The following MYH15 variants were observed in gnomAD, a reference collection of about 807,000 sequenced individuals.
MYH15 encodes the protein myosin heavy chain 15.
In MYH15, 227 loss-of-function variants were observed where a neutral mutation model predicts 240.5. The ratio of observed to expected loss-of-function variants is 0.94; its 90% CI spans 0.85 to 1.05. The LOEUF (loss-of-function observed/expected upper bound fraction) is 1.05, where lower values mean the gene tolerates loss of function less well. MYH15 is among the 50% of genes least tolerant of loss of function. MYH15 has a pLI of 0.00. For synonymous variants in MYH15, 785 were observed against 796.7 expected (o/e 0.99, Z 0.25); for missense variants, 2,217 against 2,247.5 (o/e 0.99, Z 0.27).
At chr3:108,433,241 C>T (rs1348925840) in intron 25 of MYH15, among the ~76,000 whole-genome samples, 4 of 152,176 alleles carry the variant, frequency 2.6e-5, no homozygotes, top group Non-Finnish European at 4.4e-5. Context: ...TGGATAGGGC[C>T]TGTAGCCCCT....
intron 36 of MYH15, among the ~76,000 whole-genome samples, chr3:108,392,699 G>A (rs1179906237): frequency 6.6e-6 from 1 of 152,222 alleles, no homozygotes; most frequent in Non-Finnish European, 1.5e-5. Flanking sequence ...GAGCTAAACT[G>A]TGGGAGGCTT....
intron 25 of MYH15, among the ~76,000 whole-genome samples, chr3:108,432,053 T>C (rs1471475189): frequency 1.4e-5 from 2 of 141,524 alleles, no homozygotes; most frequent in Admixed American, 1.4e-4. Context: ...GTTAAATGCA[T>C]TCAGTTTTGT....
At chr3:108,537,349 T>A in the MYH15 span, among the ~76,000 whole-genome samples, 2 of 152,172 alleles carry the variant, frequency 1.3e-5, no homozygotes, top group Non-Finnish European at 2.9e-5. Context: ...ATTCTACCCC[T>A]CAGAAATCTT....
At chr3:108,399,323 T>C in intron 33 of MYH15, 56 bp from the exon 34 acceptor site, 1 of 1,379,378 alleles carries the variant, frequency 7.2e-7, no homozygotes. Flanking sequence ...TTAATCAAAT[T>C]CACCTGCTAT....
intron 28 of MYH15, among the ~76,000 whole-genome samples, chr3:108,419,590 T>C (rs182384598): frequency 1.3e-5 from 2 of 152,324 alleles, no homozygotes; most frequent in East Asian, 3.9e-4. Context: ...AAATCCTAAA[T>C]AGCACAGATC....
intron 7 of MYH15, among the ~76,000 whole-genome samples, chr3:108,495,245 T>C (rs1238880998): frequency 6.6e-6 from 1 of 152,240 alleles, no homozygotes; most frequent in Admixed American, 6.5e-5. Flanking sequence ...AAATTCTTCC[T>C]CTTTTATGGG....
intron 27 of MYH15, among the ~76,000 whole-genome samples, chr3:108,427,292 G>T (rs1302814393): frequency 6.6e-6 from 1 of 152,210 alleles, no homozygotes; most frequent in East Asian, 1.9e-4. Flanking sequence ...AATTCATGTT[G>T]AAAGAATGGC....
chr3:108,459,396 C>T lies in MYH15; in HGVS notation c.1986G>A (p.Val662=). The T allele has an allele frequency of 1.2e-6, 2 of 1,604,960 alleles. No individual in the cohort carries two copies. Among genetic ancestry groups the T allele is most frequent in the Non-Finnish European group, 8.5e-7 (1 of 1,176,756 alleles). ...TNLKSTAPHF[V]RCINPNVNKI... is the part of the protein sequence containing the mutation. The stretch of plus-strand genomic sequence containing the variant: ...TGTTCACATTGGGATTTATGCATCT[C>T]ACAAAATGAGGTGCTGTTGATTTCA... The change falls in exon 18 of 41, where the codon GTG becomes GTA. Residue 662 remains valine, a synonymous_variant. Coordinates refer to ENST00000693548, the MANE Select transcript of MYH15 (RefSeq NM_014981.3).
rs759465045 is a variant in MYH15, at chr3:108,464,640, C to T, written c.1729G>A (p.Val577Met). 1.9e-6 allele frequency: 3 copies of T among 1,610,606 alleles called. No individual in the cohort carries two copies. Among genetic ancestry groups the T allele is most frequent in the Non-Finnish European group, 2.5e-6 (3 of 1,178,554 alleles). ...CCGGGGGTCCAGAGGTAACTCACCA[C>T]TCCTGCATAATGGACAAGTTCAAAA... Reference protein sequence around the residue: ...AHFELVHYAGVVPYNISGWLE... With the variant: ...AHFELVHYAGMVPYNISGWLE... The change falls in exon 15 of 41, where the codon GTG (valine) becomes ATG (methionine). Residue 577 changes from valine (V) to methionine (M), a missense_variant and splice_region_variant. Val to Met is a conservative substitution (Grantham distance 21). Transcript: ENST00000693548.
At chr3:108,444,275 C>A (rs2082908992) in intron 22 of MYH15, among the ~76,000 whole-genome samples, 1 of 152,054 alleles carries the variant, frequency 6.6e-6, no homozygotes, top group African/African-American at 2.4e-5. Flanking sequence ...CTGCAGCATT[C>A]CTGAAGATCT....
intron 14 of MYH15, among the ~76,000 whole-genome samples, chr3:108,465,166 T>G (rs1428628290): frequency 6.6e-6 from 1 of 152,004 alleles, no homozygotes; most frequent in South Asian, 2.1e-4. Flanking sequence ...ACACTCAAAG[T>G]AAAGAAGTAG....
chr3:108,489,574 G>A (rs2083331472), intron 9 of MYH15, among the ~76,000 whole-genome samples: 1 of 152,124 alleles, frequency 6.6e-6, no homozygotes, highest in Admixed American at 6.5e-5. Flanking sequence ...TGGCCATGTA[G>A]AGGTCAAATA....
chr3:108,477,298 G>T (rs1342975994), intron 11 of MYH15, among the ~76,000 whole-genome samples: 1 of 152,098 alleles, frequency 6.6e-6, no homozygotes, highest in Non-Finnish European at 1.5e-5. Flanking sequence ...AGTCGATTTT[G>T]GTTGCCACAG....
intron 11 of MYH15, among the ~76,000 whole-genome samples, chr3:108,478,071 G>T (rs2083235664): frequency 6.6e-6 from 1 of 151,940 alleles, no homozygotes; most frequent in Admixed American, 6.6e-5. Context: ...AGAAGGTAAT[G>T]CAGCCTTTCT....
intron 1 of MYH15, among the ~76,000 whole-genome samples, chr3:108,526,219 C>A (rs772451920): frequency 9.9e-5 from 15 of 152,094 alleles, no homozygotes; most frequent in Non-Finnish European, 2.1e-4. Context: ...CAATTCATGC[C>A]ACCAACAAGT....
intron 19 of MYH15, 94 bp from the exon 20 acceptor site, chr3:108,455,953 T>A (rs766260997): frequency 2.4e-6 from 3 of 1,238,232 alleles, no homozygotes; most frequent in South Asian, 1.3e-5. Flanking sequence ...GAGACATAGA[T>A]TTTTATCTCT....
chr3:108,397,563 T>C (rs1041664232), intron 35 of MYH15, among the ~76,000 whole-genome samples: 3 of 152,256 alleles, frequency 2.0e-5, no homozygotes, highest in African/African-American at 7.2e-5. Flanking sequence ...ATACCATCCA[T>C]ACCAGTCCAG....
chr3:108,516,540 C>T (rs749908989), intron 1 of MYH15, among the ~76,000 whole-genome samples: 28 of 152,180 alleles, frequency 1.8e-4, no homozygotes, highest in Non-Finnish European at 4.0e-4. Flanking sequence ...CTGCAAGATG[C>T]TCCTAATTAG....
At chr3:108,533,788 A>C (rs2083727802), upstream of MYH15, among the ~76,000 whole-genome samples, 1 of 152,178 alleles carries the variant, frequency 6.6e-6, no homozygotes, top group Non-Finnish European at 1.5e-5. Context: ...AAAAGACGAA[A>C]GCCTAGGTAA....
Sources: allele counts gnomAD v4.1 joint callset (sites outside exome capture counted in the v4.1 genomes callset), GRCh38; gene constraint gnomAD v4.1.1; transcripts MANE v1.5; gene names NCBI Gene and HGNC (gene_info 2026-07-23, HGNC 2026-07-21).